MAN1C1: variants seen among roughly 807,000 people sequenced by gnomAD.
MAN1C1 encodes the protein mannosidase alpha class 1C member 1.
A neutral mutation model predicts 71.5 loss-of-function variants in MAN1C1; 49 were observed. That is an observed-to-expected ratio of 0.69 (90% CI 0.54 to 0.87). The LOEUF is 0.87. MAN1C1 is among the 40% of genes least tolerant of loss of function. The pLI is 0.00. For missense variants in MAN1C1, 743 were observed against 835.0 expected, an observed-to-expected ratio of 0.89 and a Z score of 1.36; for synonymous variants, 352 against 343.7, an observed-to-expected ratio of 1.02 and a Z score of -0.27.
chr1:25,628,463 A>G (rs879267860), intron 1 of MAN1C1, among the ~76,000 whole-genome samples: 3 of 152,092 alleles, frequency 2.0e-5, no homozygotes, highest in Non-Finnish European at 4.4e-5. Flanking sequence ...GCATGTCACC[A>G]TGCCTGGCTA....
intron 1 of MAN1C1, among the ~76,000 whole-genome samples, chr1:25,651,866 T>C (rs1473723448): frequency 6.6e-6 from 1 of 152,242 alleles, no homozygotes; most frequent in Admixed American, 6.5e-5. Context: ...GAAAAGCAAC[T>C]AAGTCCTGTT....
At chr1:25,724,653 A>G (rs1047457511) in intron 2 of MAN1C1, among the ~76,000 whole-genome samples, 1 of 152,188 alleles carries the variant, frequency 6.6e-6, no homozygotes, top group Non-Finnish European at 1.5e-5. Context: ...GGAAGGGGTA[A>G]GGAATTGGGA....
rs6658882 is a variant in MAN1C1 at position 25,647,380 on chromosome 1, G to A, written c.540+29043G>A. On this transcript the variant is annotated intron_variant, in intron 1 of 11. Transcript: ENST00000374332. ...TGTTTGACCCTAGGGCTGGGATAAT[G>A]GCAGAGTGTGGGCTCGCCCAGGGAA... Among the ~76,000 whole-genome samples, 443 of 152,278 alleles carry A rather than the reference G, an allele frequency of 2.9e-3. 4 individuals carry two copies. Among genetic ancestry groups the A allele is most frequent in the African/African-American group, 0.01 (426 of 41,552 alleles).
Position 25,695,966 on chromosome 1 carries a change from G to A in MAN1C1, c.637+9430G>A, listed in dbSNP as rs990752433. On this transcript the variant is annotated intron_variant, in intron 2 of 11. Transcript: ENST00000374332. Reference sequence around the variant, plus strand: ...TTCTTTCTTTTTCATTTCGAAGGGGGTATTGGGCTGGTCTTCTTGGAATCT... The same window carrying A: ...TTCTTTCTTTTTCATTTCGAAGGGGATATTGGGCTGGTCTTCTTGGAATCT... Among the ~76,000 whole-genome samples the A allele has an allele frequency of 7.9e-5, 12 of 152,282 alleles. No individual in the cohort carries two copies. In the South Asian group the frequency reaches 2.3e-3, roughly 29 times the overall value.
rs1403780275 is a variant in MAN1C1 at position 25,769,097 on chromosome 1, ACTCC to A, written c.1142-2554_1142-2551del. On this transcript the variant is annotated intron_variant, in intron 7 of 11. Transcript: ENST00000374332. The surrounding 1 kb of genome is among the most constrained non-coding windows in gnomAD (Gnocchi z 4.8). ...TCCCACACACACACCTATCACCCAC[ACTCC>A]CTCCCACACACACACCACACACTCC... Among the ~76,000 whole-genome samples the A allele has an allele frequency of 5.1e-5, 5 of 97,474 alleles. No individual in the cohort carries two copies. Among genetic ancestry groups the A allele is most frequent in the African/African-American group, 1.3e-4 (3 of 23,986 alleles). 63.9% of individuals were successfully genotyped at this position (97,474 alleles called of 152,430 possible).
intron 2 of MAN1C1, among the ~76,000 whole-genome samples, chr1:25,729,838 C>T (rs910862404): frequency 6.6e-6 from 1 of 152,010 alleles, no homozygotes; most frequent in Admixed American, 6.5e-5. Context: ...ATGAGGAACC[C>T]AGGTCTGTGA....
At chr1:25,638,788 T>C (rs910557684) in intron 1 of MAN1C1, among the ~76,000 whole-genome samples, 14 of 152,164 alleles carry the variant, frequency 9.2e-5, no homozygotes, top group African/African-American at 2.9e-4. Flanking sequence ...CTTTGGATGC[T>C]ATAAGATTTT....
At chr1:25,732,025 A>G (rs933561716) in intron 2 of MAN1C1, among the ~76,000 whole-genome samples, 3 of 152,084 alleles carry the variant, frequency 2.0e-5, no homozygotes, top group Non-Finnish European at 4.4e-5. Context: ...AGACCCTCCT[A>G]TGAGTGAGCC....
intron 2 of MAN1C1, among the ~76,000 whole-genome samples, chr1:25,690,995 T>C (rs1447770713): frequency 6.6e-6 from 1 of 152,076 alleles, no homozygotes; most frequent in Non-Finnish European, 1.5e-5. Flanking sequence ...CGCTAGGCTT[T>C]GGGGGAATAT....
intron 1 of MAN1C1, among the ~76,000 whole-genome samples, chr1:25,685,646 C>T (rs1387385142): frequency 6.6e-6 from 1 of 152,234 alleles, no homozygotes; most frequent in Non-Finnish European, 1.5e-5. Flanking sequence ...CTCATGCATA[C>T]TCTGGGTGAC....
chr1:25,699,296 A>C (rs1002223022), intron 2 of MAN1C1, among the ~76,000 whole-genome samples: 2 of 151,042 alleles, frequency 1.3e-5, no homozygotes, highest in African/African-American at 2.4e-5. Flanking sequence ...GCGAAACTCC[A>C]TCTTAAATTA....
chr1:25,768,073 A>C (rs114116522), intron 7 of MAN1C1, among the ~76,000 whole-genome samples: 8 of 22,950 alleles, frequency 3.5e-4, no homozygotes, highest in Non-Finnish European at 4.8e-4. Context: ...ACACACACAC[A>C]CTCCCCCCCA....
At chr1:25,731,391 G>A (rs1470156588) in intron 2 of MAN1C1, among the ~76,000 whole-genome samples, 1 of 152,054 alleles carries the variant, frequency 6.6e-6, no homozygotes, top group Non-Finnish European at 1.5e-5. Flanking sequence ...GCAACTCATA[G>A]GTATCCTCTG....
intron 2 of MAN1C1, among the ~76,000 whole-genome samples, chr1:25,712,506 G>C (rs1214245122): frequency 2.0e-5 from 3 of 152,174 alleles, no homozygotes; most frequent in Non-Finnish European, 4.4e-5. Flanking sequence ...GCCTTGGCCT[G>C]TTGGGAGGGT....
chr1:25,720,066 G>A (rs868167035), intron 2 of MAN1C1, among the ~76,000 whole-genome samples: 6 of 152,084 alleles, frequency 3.9e-5, no homozygotes, highest in African/African-American at 1.4e-4. Flanking sequence ...TTACTGGCAC[G>A]AGCCACAGTG....
At chr1:25,661,961 T>C (rs547624094) in intron 1 of MAN1C1, among the ~76,000 whole-genome samples, 8 of 152,338 alleles carry the variant, frequency 5.3e-5, no homozygotes, top group Non-Finnish European at 1.0e-4. Flanking sequence ...TTTTTTTAAC[T>C]TGGGGGCAAT....
In MAN1C1 at chr1:25,749,225, ACTGTCCCCCTCCTTCTTT is replaced by A. The variant is rs752976568; in HGVS notation, c.754-23_754-6del. 1 of 1,594,874 alleles carries A rather than the reference ACTGTCCCCCTCCTTCTTT, an allele frequency of 6.3e-7. No homozygotes were observed. Among genetic ancestry groups the A allele is most frequent in the Non-Finnish European group, 8.6e-7 (1 of 1,166,348 alleles). ...GGGCCTGCATCTTACAAGTGTCCCC[ACTGTCCCCCTCCTTCTTT>A]CTGTCCTGCAGAGCGGAGAAGCATC... On this transcript the variant is annotated splice_polypyrimidine_tract_variant and intron_variant, in intron 3 of 11. Transcript: ENST00000374332.
At chr1:25,741,568 C>T (rs1398003870) in intron 2 of MAN1C1, among the ~76,000 whole-genome samples, 1 of 152,136 alleles carries the variant, frequency 6.6e-6, no homozygotes. Context: ...GACTACAGTC[C>T]CCACTATTAT....
Position 25,747,452 on chromosome 1 carries a change from C to G in MAN1C1, c.753+669C>G, listed in dbSNP as rs150707402. The stretch of plus-strand genomic sequence containing the variant: ...GGCATGCATCCCAGAGGGGAGCTCC[C>G]CACGGAGAGAGGCTATTTACATAGA... On this transcript the variant is annotated intron_variant, in intron 3 of 11. Coordinates refer to ENST00000374332, the MANE Select transcript of MAN1C1 (RefSeq NM_020379.4). Among the ~76,000 whole-genome samples the G allele has an allele frequency of 2.6e-4, 39 of 152,332 alleles. No homozygotes were observed. In the East Asian group the frequency reaches 7.1e-3, roughly 28 times the overall value.
Sources: allele counts gnomAD v4.1 joint callset (sites outside exome capture counted in the v4.1 genomes callset), GRCh38; gene constraint gnomAD v4.1.1; non-coding constraint Gnocchi (gnomAD v3.1); transcripts MANE v1.5; gene names NCBI Gene and HGNC (gene_info 2026-07-23, HGNC 2026-07-21).